FARS2: variants seen among roughly 807,000 people sequenced by gnomAD.
The protein encoded by FARS2 is phenylalanyl-tRNA synthetase 2, mitochondrial.
A neutral mutation model predicts 46.4 loss-of-function variants in FARS2; 40 were observed. The ratio of observed to expected loss-of-function variants is 0.86; its 90% CI spans 0.67 to 1.12. The LOEUF is 1.12. Among genes scored for constraint, FARS2 ranks in the 50% most tolerant of loss-of-function variants. The pLI, the probability that FARS2 is intolerant of heterozygous loss-of-function variation, is 0.00. For missense variants in FARS2, 513 were observed against 567.9 expected (o/e 0.90, Z 0.98); for synonymous variants, 234 against 214.9 (o/e 1.09, Z -0.78).
chr6:5,666,730 C>T (rs1008702247), intron 6 of FARS2, among the ~76,000 whole-genome samples: 1 of 152,112 alleles, frequency 6.6e-6, no homozygotes, highest in Non-Finnish European at 1.5e-5. Context: ...TGGATATACA[C>T]CCAAAGGAAT....
At chr6:5,482,684 T>TG (rs745376894) in intron 4 of FARS2, among the ~76,000 whole-genome samples, 2 of 152,114 alleles carry the variant, frequency 1.3e-5, no homozygotes, top group African/African-American at 2.4e-5. Flanking sequence ...TGATGAGCAC[T>TG]GCAAGGTGCT....
chr6:5,363,071 T>C (rs1344613849), intron 1 of FARS2, among the ~76,000 whole-genome samples: 7 of 151,610 alleles, frequency 4.6e-5, no homozygotes, highest in Non-Finnish European at 1.0e-4. Context: ...GGACTACAGG[T>C]GCCCGCCACC....
intron 6 of FARS2, among the ~76,000 whole-genome samples, chr6:5,640,362 C>T (rs889735055): frequency 6.6e-6 from 1 of 152,168 alleles, no homozygotes; most frequent in Non-Finnish European, 1.5e-5. Flanking sequence ...GGAGATGCAG[C>T]AGATCTGAAT....
chr6:5,390,810 G>A (rs1234739768), intron 2 of FARS2, among the ~76,000 whole-genome samples: 2 of 152,084 alleles, frequency 1.3e-5, no homozygotes, highest in Non-Finnish European at 2.9e-5. Context: ...GCCTTTGGGA[G>A]TTCACATGGC....
rs561933100 is a variant in FARS2, at chr6:5,552,498, C to T, written c.1065+7158C>T. On this transcript the variant is annotated intron_variant, in intron 5 of 6. Transcript: ENST00000274680. The stretch of plus-strand genomic sequence containing the variant: ...TTCTGTGGTGTCTTTCTCTGTGCGG[C>T]CTCCACATCCTGTCCTGTACATTTT... Among the ~76,000 whole-genome samples, 4 of 152,232 alleles carry T rather than the reference C, an allele frequency of 2.6e-5. No individual in the cohort carries two copies. In the South Asian group the frequency reaches 8.3e-4, roughly 32 times the overall value.
chr6:5,461,527 C>T (rs1271803700), intron 4 of FARS2, among the ~76,000 whole-genome samples: 1 of 152,142 alleles, frequency 6.6e-6, no homozygotes, highest in East Asian at 1.9e-4. Flanking sequence ...TGCAGCCAGT[C>T]CTGACTCTCT....
chr6:5,739,483 G>T (rs915117497), intron 6 of FARS2, among the ~76,000 whole-genome samples: 2 of 152,158 alleles, frequency 1.3e-5, no homozygotes, highest in Non-Finnish European at 2.9e-5. Context: ...GCAGTGGATT[G>T]TTTTTTATGT....
chr6:5,645,975 G>C (rs990892690), intron 6 of FARS2, among the ~76,000 whole-genome samples: 4 of 152,146 alleles, frequency 2.6e-5, no homozygotes, highest in Non-Finnish European at 5.9e-5. Context: ...ACGGAGGTAG[G>C]GACTAGAATG....
intron 2 of FARS2, among the ~76,000 whole-genome samples, chr6:5,383,070 G>T (rs1759889272): frequency 6.6e-6 from 1 of 152,162 alleles, no homozygotes; most frequent in Admixed American, 6.5e-5. Flanking sequence ...ATCCAGTAAT[G>T]ATGTTTAATG....
At chr6:5,409,353 AG>A (rs1761800401) in intron 3 of FARS2, among the ~76,000 whole-genome samples, 1 of 152,130 alleles carries the variant, frequency 6.6e-6, no homozygotes, top group African/African-American at 2.4e-5. Flanking sequence ...CAGGAGGCTG[AG>A]GCAGGAGAAT....
At chr6:5,639,547 A>G (rs943678449) in intron 6 of FARS2, among the ~76,000 whole-genome samples, 1 of 152,292 alleles carries the variant, frequency 6.6e-6, no homozygotes, top group East Asian at 1.9e-4. Context: ...GTGTGTTTCC[A>G]TGGGGTCCTT....
chr6:5,411,189 G>A (rs948468557), intron 3 of FARS2, among the ~76,000 whole-genome samples: 3 of 152,174 alleles, frequency 2.0e-5, no homozygotes, highest in African/African-American at 7.2e-5. Flanking sequence ...TGAGGCAGGA[G>A]GATTGCTTAA....
intron 2 of FARS2, chr6:5,371,119 C>G (rs1246453647): frequency 1.2e-6 from 1 of 833,492 alleles, no homozygotes; most frequent in Non-Finnish European, 1.4e-6. Flanking sequence ...TCATGACACT[C>G]CTTTCTACGT....
At chr6:5,472,017 T>C (rs1234731004) in intron 4 of FARS2, among the ~76,000 whole-genome samples, 4 of 152,240 alleles carry the variant, frequency 2.6e-5, no homozygotes, top group East Asian at 1.9e-4. Context: ...TTAATTTCCT[T>C]TTCTCCTCCT....
chr6:5,261,001 G>C (rs918298595), upstream of FARS2: 67 of 1,067,456 alleles, frequency 6.3e-5, no homozygotes, highest in African/African-American at 1.0e-3. Context: ...GCCCCGCCCC[G>C]ATCCCGCCCC....
At chr6:5,701,046 A>T (rs1758401715) in intron 6 of FARS2, among the ~76,000 whole-genome samples, 1 of 152,264 alleles carries the variant, frequency 6.6e-6, no homozygotes, top group Admixed American at 6.5e-5. Flanking sequence ...TGTGAACATT[A>T]AATAAGACTC....
chr6:5,661,842 G>A (rs1332836042), intron 6 of FARS2, among the ~76,000 whole-genome samples: 1 of 146,444 alleles, frequency 6.8e-6, no homozygotes, highest in Non-Finnish European at 1.5e-5. Flanking sequence ...TTTTGTAAAA[G>A]TGTAATAAAC....
At chr6:5,521,729 C>T (rs779269799) in intron 4 of FARS2, among the ~76,000 whole-genome samples, 15 of 152,174 alleles carry the variant, frequency 9.9e-5, no homozygotes, top group Admixed American at 5.2e-4. Context: ...GTGATACGAC[C>T]TCCCTGGGTA....
chr6:5,250,914 A>C, the FARS2 span, among the ~76,000 whole-genome samples: 1 of 152,236 alleles, frequency 6.6e-6, no homozygotes. Flanking sequence ...AAAATAGAAT[A>C]CAATGTTATT....
Sources: gnomAD v4.1 joint callset for allele counts (sites outside exome capture counted in the v4.1 genomes callset) on GRCh38, gnomAD v4.1.1 for gene constraint, MANE v1.5 for transcripts, NCBI Gene and HGNC (gene_info 2026-07-23, HGNC 2026-07-21) for gene names.